Variants in FRMD4A observed in about 807,000 individuals in gnomAD.
FRMD4A encodes the protein FERM domain containing 4A, also known as FERM domain-containing protein 4A.
In FRMD4A, 29 loss-of-function variants were observed where a neutral mutation model predicts 129.1. That is an observed-to-expected ratio of 0.22 (90% CI 0.17 to 0.31). The LOEUF is 0.31. Among genes scored for constraint, FRMD4A ranks in the 10% least tolerant of loss-of-function variants. FRMD4A has a pLI of 1.00. For synonymous variants in FRMD4A, 634 were observed against 571.6 expected, an observed-to-expected ratio of 1.11 and a Z score of -1.56; for missense variants, 1,272 against 1,375.8, an observed-to-expected ratio of 0.92 and a Z score of 1.19.
In FRMD4A at chr10:14,098,040, TAAATTATTTATTATATAAATTATA is replaced by T. The variant is rs1292237069; in HGVS notation, c.45+231994_45+232017del. 5.6e-5 allele frequency among the ~76,000 whole-genome samples: 5 copies of T among 89,548 alleles called. 1 individual carries two copies. In the South Asian group the frequency reaches 1.9e-3, roughly 33 times the overall value. 58.7% of individuals were successfully genotyped at this position (89,548 alleles called of 152,430 possible). A position where few individuals can be genotyped will look rare whatever the true frequency, so the allele number is the denominator to read the frequency against. ...TATTATATAAATTATAGATTATATA[TAAATTATTTATTATATAAATTATA>T]GATTATATATAAATTATATATTATA... On this transcript the variant is annotated intron_variant, in intron 2 of 24. Coordinates refer to ENST00000357447, the MANE Select transcript of FRMD4A (RefSeq NM_018027.5).
chr10:14,293,390 A>G (rs959478600), intron 2 of FRMD4A, among the ~76,000 whole-genome samples: 3 of 152,208 alleles, frequency 2.0e-5, no homozygotes, highest in Non-Finnish European at 4.4e-5. Context: ...TGAGCCAAAT[A>G]AATTCGTATT....
chr10:14,008,937 C>T (rs545889300), intron 2 of FRMD4A, among the ~76,000 whole-genome samples: 56 of 152,322 alleles, frequency 3.7e-4, no homozygotes, highest in African/African-American at 1.3e-3. Flanking sequence ...GTTGCAATCA[C>T]ATGGTTCAGA....
At chr10:13,900,079 A>G (rs1056107441) in intron 2 of FRMD4A, among the ~76,000 whole-genome samples, 2 of 152,104 alleles carry the variant, frequency 1.3e-5, no homozygotes, top group Admixed American at 6.6e-5. Flanking sequence ...AGTGAATCCT[A>G]TTATATTTTT....
At chr10:13,669,361 C>T (rs10752317) in intron 17 of FRMD4A, among the ~76,000 whole-genome samples, 52,092 of 152,060 alleles carry the variant, frequency 0.34, 10,213 homozygotes, top group East Asian at 0.73. Context: ...TGGGCCACCA[C>T]GCCCGGCCAC....
At chr10:13,884,460 C>T (rs2131140512) in intron 2 of FRMD4A, among the ~76,000 whole-genome samples, 1 of 152,252 alleles carries the variant, frequency 6.6e-6, no homozygotes, top group East Asian at 1.9e-4. Context: ...TTGAGATAAT[C>T]TTGGTAATTC....
chr10:14,225,586 C>T (rs1416116819), intron 2 of FRMD4A, among the ~76,000 whole-genome samples: 1 of 152,190 alleles, frequency 6.6e-6, no homozygotes, highest in African/African-American at 2.4e-5. Flanking sequence ...GCTGATGGGA[C>T]AGAGGGATGT....
chr10:14,072,557 T>C (rs949653240), intron 2 of FRMD4A, among the ~76,000 whole-genome samples: 33 of 152,306 alleles, frequency 2.2e-4, no homozygotes, highest in African/African-American at 7.9e-4. Context: ...AGCCACCAAA[T>C]TTGCCATCCA....
intron 4 of FRMD4A, among the ~76,000 whole-genome samples, chr10:13,802,373 T>C (rs766094413): frequency 2.0e-5 from 3 of 152,132 alleles, no homozygotes; most frequent in Non-Finnish European, 2.9e-5. Context: ...CTGCACAGCT[T>C]CTAGATGTTT....
chr10:14,195,444 A>AG (rs1842445330), intron 2 of FRMD4A, among the ~76,000 whole-genome samples: 1 of 149,852 alleles, frequency 6.7e-6, no homozygotes, highest in Non-Finnish European at 1.5e-5. Context: ...AAAAAAAAAA[A>AG]TCAGTTGCCA....
chr10:14,143,779 T>A (rs1001509526), intron 2 of FRMD4A, among the ~76,000 whole-genome samples: 2 of 152,044 alleles, frequency 1.3e-5, no homozygotes, highest in African/African-American at 4.8e-5. Context: ...CATGCCTGGC[T>A]AACTTTTGTA....
intron 2 of FRMD4A, among the ~76,000 whole-genome samples, chr10:14,202,476 A>G (rs762649883): frequency 2.6e-5 from 4 of 152,100 alleles, no homozygotes; most frequent in Non-Finnish European, 5.9e-5. Flanking sequence ...ATCTCGGCTC[A>G]CTGCAACCTG....
At chr10:13,649,192 T>C (rs2081347213) in intron 24 of FRMD4A, 2 of 152,206 alleles carry the variant, frequency 1.3e-5, no homozygotes, top group African/African-American at 4.8e-5. Flanking sequence ...GAGTCATAAT[T>C]GTGACAACAT....
rs76682520 is a variant in FRMD4A at position 14,308,119 on chromosome 10, A to G, written c.45+21939T>C. Among the ~76,000 whole-genome samples, 601 of 152,366 alleles carry G rather than the reference A, an allele frequency of 3.9e-3. 5 individuals carry two copies. Among genetic ancestry groups the G allele is most frequent in the African/African-American group, 0.014 (562 of 41,586 alleles). ...TTTCAAACAAAGGAGGACTTGCTCA[A>G]TGAAGTTGCATTTCTAATCCTTTAG... On this transcript the variant is annotated intron_variant, in intron 2 of 24. Coordinates refer to ENST00000357447, the MANE Select transcript of FRMD4A (RefSeq NM_018027.5).
At chr10:13,950,788 GGT>G (rs2095365511) in intron 2 of FRMD4A, among the ~76,000 whole-genome samples, 1 of 152,036 alleles carries the variant, frequency 6.6e-6, no homozygotes, top group African/African-American at 2.4e-5. Context: ...TCCTCATTTG[GGT>G]TTCAGCTCAG....
chr10:14,320,477 C>T (rs1846933930), intron 2 of FRMD4A, among the ~76,000 whole-genome samples: 1 of 152,212 alleles, frequency 6.6e-6, no homozygotes, highest in Admixed American at 6.5e-5. Flanking sequence ...CTCTCTTCCC[C>T]AGCCAACATG....
intron 2 of FRMD4A, among the ~76,000 whole-genome samples, chr10:14,035,808 T>C (rs1833472053): frequency 6.6e-6 from 1 of 152,222 alleles, no homozygotes; most frequent in African/African-American, 2.4e-5. Context: ...AACACACTAG[T>C]AAGCGAATCT....
intron 15 of FRMD4A, chr10:13,685,380 TAACTG>T (rs1003532776): frequency 1.0e-6 from 1 of 984,580 alleles, no homozygotes; most frequent in Non-Finnish European, 1.2e-6. Context: ...TGGAAAAAAA[TAACTG>T]AACATTCATT....
chr10:13,705,969 C>G (rs919468183), intron 13 of FRMD4A, among the ~76,000 whole-genome samples: 1 of 152,164 alleles, frequency 6.6e-6, no homozygotes, highest in Non-Finnish European at 1.5e-5. Flanking sequence ...GCTGCAGGAA[C>G]AGGGGCTACT....
chr10:13,647,474 C>A (rs903823651), intron 24 of FRMD4A: 22 of 152,150 alleles, frequency 1.4e-4, no homozygotes, highest in African/African-American at 4.8e-4. Flanking sequence ...ACTTTTCCCA[C>A]ACGACAGCTG....
Sources: gnomAD v4.1 joint callset for allele counts (sites outside exome capture counted in the v4.1 genomes callset) on GRCh38, gnomAD v4.1.1 for gene constraint, MANE v1.5 for transcripts, NCBI Gene and HGNC (gene_info 2026-07-23, HGNC 2026-07-21) for gene names.